Variants in LRRC4C observed in about 807,000 individuals in gnomAD.
LRRC4C encodes leucine-rich repeat-containing protein 4C.
Under a neutral mutation model 33.6 loss-of-function variants are expected in LRRC4C, and 5 were observed. That is an observed-to-expected ratio of 0.15 (90% CI 0.08 to 0.31). The LOEUF is 0.31. Ranked by LOEUF, LRRC4C falls within the 10% of genes least tolerant of loss-of-function variation. The pLI is 1.00. For synonymous variants in LRRC4C, 329 were observed against 302.0 expected, an observed-to-expected ratio of 1.09 and a Z score of -0.93; for missense variants, 560 against 796.7, an observed-to-expected ratio of 0.70 and a Z score of 3.58.
chr11:41,028,120 TCCC>T (rs1856497442), intron 1 of LRRC4C, among the ~76,000 whole-genome samples: 2 of 151,610 alleles, frequency 1.3e-5, no homozygotes, highest in African/African-American at 4.8e-5. Context: ...CCAAATGTAA[TCCC>T]CTCTAGAAAT....
At chr11:40,329,257 T>C (rs1946237221) in intron 3 of LRRC4C, among the ~76,000 whole-genome samples, 1 of 152,224 alleles carries the variant, frequency 6.6e-6, no homozygotes, top group South Asian at 2.1e-4. Context: ...TTGGGCAAGC[T>C]AGTCATGCAG....
At chr11:41,178,195 A>G (rs546230198) in intron 1 of LRRC4C, among the ~76,000 whole-genome samples, 3 of 152,290 alleles carry the variant, frequency 2.0e-5, no homozygotes, top group African/African-American at 4.8e-5. Context: ...AACTTGCCCT[A>G]TGAGTGAGTT....
intron 3 of LRRC4C, among the ~76,000 whole-genome samples, chr11:40,423,272 G>T (rs1377875665): frequency 6.6e-6 from 1 of 151,432 alleles, no homozygotes; most frequent in Non-Finnish European, 1.5e-5. Flanking sequence ...ACATAGAATT[G>T]AGGAATTGTC....
chr11:41,033,165 C>T lies in LRRC4C; in HGVS notation c.-495-99442G>A, dbSNP rs187245732. On this transcript the variant is annotated intron_variant, in intron 1 of 6. Coordinates refer to ENST00000528697, the MANE Select transcript of LRRC4C (RefSeq NM_001258419.2). ...ACTGGCTTGTTACGTGCTTAGGCTC[C>T]TCAAGGGGAATATTGAGGAAAAAAA... 1.8e-3 allele frequency among the ~76,000 whole-genome samples: 281 copies of T among 151,916 alleles called. 1 individual carries two copies. Among genetic ancestry groups the T allele is most frequent in the Admixed American group, 5.8e-3 (89 of 15,226 alleles).
chr11:41,330,629 G>A (rs1823158676), intron 1 of LRRC4C, among the ~76,000 whole-genome samples: 1 of 152,058 alleles, frequency 6.6e-6, no homozygotes, highest in South Asian at 2.1e-4. Flanking sequence ...CTGGAGTGTA[G>A]TGGTGCAATC....
In LRRC4C at chr11:41,016,996, A is replaced by G. The variant is rs188407975; in HGVS notation, c.-495-83273T>C. Reference sequence around the variant, plus strand: ...TTTTTAGTGTATATCAATCAAAACAATGAATGAGTAAAGTATTTTTATTTT... The same window carrying G: ...TTTTTAGTGTATATCAATCAAAACAGTGAATGAGTAAAGTATTTTTATTTT... On this transcript the variant is annotated intron_variant, in intron 1 of 6. Coordinates refer to ENST00000528697, the MANE Select transcript of LRRC4C (RefSeq NM_001258419.2). Among the ~76,000 whole-genome samples the G allele has an allele frequency of 2.2e-3, 339 of 152,280 alleles. 2 individuals carry two copies. The highest frequency in any genetic ancestry group is 6.6e-3 in the South Asian group (32 of 4,824).
At chr11:40,324,750 T>C (rs563050222) in intron 3 of LRRC4C, among the ~76,000 whole-genome samples, 13 of 152,154 alleles carry the variant, frequency 8.5e-5, no homozygotes, top group South Asian at 2.1e-4. Flanking sequence ...GGGTAAAAAT[T>C]ATGGAGAAAT....
chr11:40,133,141 A>G (rs1313156891), intron 6 of LRRC4C, among the ~76,000 whole-genome samples: 2 of 152,144 alleles, frequency 1.3e-5, no homozygotes, highest in Non-Finnish European at 2.9e-5. Context: ...ACTGGCTGGG[A>G]GGAGTTGATA....
intron 3 of LRRC4C, among the ~76,000 whole-genome samples, chr11:40,534,670 A>G (rs1275189738): frequency 6.6e-6 from 1 of 152,208 alleles, no homozygotes; most frequent in African/African-American, 2.4e-5. Context: ...TTACTATGTG[A>G]AATTCAGTTT....
At chr11:40,352,926 A>C (rs1947479328) in intron 3 of LRRC4C, among the ~76,000 whole-genome samples, 1 of 152,120 alleles carries the variant, frequency 6.6e-6, no homozygotes, top group Non-Finnish European at 1.5e-5. Context: ...TAAGGTTTCC[A>C]CTGAGAAGTC....
chr11:40,893,775 G>T (rs1319685545), intron 2 of LRRC4C, among the ~76,000 whole-genome samples: 2 of 151,688 alleles, frequency 1.3e-5, no homozygotes, highest in African/African-American at 4.8e-5. Context: ...TTATGGCTCT[G>T]ATTCAGAAAG....
intron 3 of LRRC4C, among the ~76,000 whole-genome samples, chr11:40,557,797 A>T (rs10768610): frequency 1.3e-5 from 2 of 151,850 alleles, no homozygotes; most frequent in Non-Finnish European, 1.5e-5. Context: ...AAAGCAGAGA[A>T]GTGAATCCTA....
intron 1 of LRRC4C, among the ~76,000 whole-genome samples, chr11:41,150,883 A>G (rs571338798): frequency 1.3e-5 from 2 of 152,250 alleles, no homozygotes; most frequent in South Asian, 4.1e-4. Context: ...TTGTTTTTCA[A>G]AAGAGACAGA....
At chr11:40,179,790 A>G (rs1228321971) in intron 5 of LRRC4C, among the ~76,000 whole-genome samples, 1 of 152,224 alleles carries the variant, frequency 6.6e-6, no homozygotes, top group East Asian at 1.9e-4. Flanking sequence ...TAATTTGAAG[A>G]TGAACATGTT....
At chr11:41,237,823 T>C (rs187116516) in intron 1 of LRRC4C, among the ~76,000 whole-genome samples, 46 of 152,342 alleles carry the variant, frequency 3.0e-4, no homozygotes, top group Admixed American at 3.0e-3. Context: ...TCTGTGTTTT[T>C]AAAATGTTAA....
chr11:41,109,329 T>C (rs1941694509), intron 1 of LRRC4C, among the ~76,000 whole-genome samples: 1 of 152,064 alleles, frequency 6.6e-6, no homozygotes, highest in Admixed American at 6.6e-5. Context: ...GTTTGTCTTT[T>C]AAAGCAACCC....
intron 1 of LRRC4C, among the ~76,000 whole-genome samples, chr11:41,409,993 A>G (rs2138201783): frequency 6.6e-6 from 1 of 152,324 alleles, no homozygotes; most frequent in African/African-American, 2.4e-5. Context: ...AGTCTCAATA[A>G]TCTGCTCAGA....
chr11:41,133,691 A>C (rs1022232269), intron 1 of LRRC4C, among the ~76,000 whole-genome samples: 1 of 152,140 alleles, frequency 6.6e-6, no homozygotes, highest in African/African-American at 2.4e-5. Flanking sequence ...GTGACAATAA[A>C]GTACCAAATT....
At chr11:41,249,658 TTGCTGCCGTAAC>T (rs1269999239) in intron 1 of LRRC4C, among the ~76,000 whole-genome samples, 1 of 152,184 alleles carries the variant, frequency 6.6e-6, no homozygotes, top group Non-Finnish European at 1.5e-5. Context: ...GCCTTTGCAC[TTGCTGCCGTAAC>T]TGCTTAGAAG....
Sources: allele counts gnomAD v4.1 joint callset (sites outside exome capture counted in the v4.1 genomes callset), GRCh38; gene constraint gnomAD v4.1.1; transcripts MANE v1.5; gene names NCBI Gene and HGNC (gene_info 2026-07-23, HGNC 2026-07-21).